The following CDK14 variants were observed in gnomAD, a reference collection of about 807,000 sequenced individuals.
CDK14 encodes the protein cyclin-dependent kinase 14.
In CDK14, 34 loss-of-function variants were observed where a neutral mutation model predicts 60.7. The ratio of observed to expected loss-of-function variants is 0.56; its 90% CI spans 0.43 to 0.75. CDK14 has a LOEUF of 0.75. Among genes scored for constraint, CDK14 ranks in the 30% least tolerant of loss-of-function variants. CDK14 has a pLI of 0.00. For synonymous variants in CDK14, 197 were observed against 203.7 expected, an observed-to-expected ratio of 0.97 and a Z score of 0.28; for missense variants, 482 against 564.1, an observed-to-expected ratio of 0.85 and a Z score of 1.47.
intron 4 of CDK14, among the ~76,000 whole-genome samples, chr7:90,758,665 C>T (rs1174776433): frequency 2.0e-5 from 3 of 152,084 alleles, no homozygotes; most frequent in Non-Finnish European, 4.4e-5. Context: ...ATTCTGCCCT[C>T]GGGAAACTTA....
intron 14 of CDK14, among the ~76,000 whole-genome samples, chr7:91,202,171 T>C (rs1217987067): frequency 2.6e-5 from 4 of 152,174 alleles, no homozygotes; most frequent in Non-Finnish European, 5.9e-5. Context: ...CCAAAAAATA[T>C]CTAGTTCATA....
At chr7:90,942,841 A>G (rs950288089) in intron 8 of CDK14, among the ~76,000 whole-genome samples, 11 of 152,194 alleles carry the variant, frequency 7.2e-5, no homozygotes, top group African/African-American at 2.2e-4. Flanking sequence ...TTATATTTAT[A>G]TAACAGAATT....
chr7:90,598,447 C>T (rs986315631), intron 1 of CDK14, among the ~76,000 whole-genome samples: 1 of 152,094 alleles, frequency 6.6e-6, no homozygotes, highest in South Asian at 2.1e-4. Flanking sequence ...GATTTTATAT[C>T]CTCCCTTTAG....
chr7:90,634,443 C>G (rs1245876409), intron 2 of CDK14, among the ~76,000 whole-genome samples: 3 of 151,590 alleles, frequency 2.0e-5, no homozygotes, highest in Non-Finnish European at 2.9e-5. Context: ...TCATCCATGT[C>G]CCTACAAAGG....
chr7:90,814,784 C>G (rs943228343), intron 5 of CDK14, among the ~76,000 whole-genome samples: 4 of 152,156 alleles, frequency 2.6e-5, no homozygotes, highest in East Asian at 1.9e-4. Context: ...TCAAAAGAAA[C>G]AAACAAAACT....
intron 5 of CDK14, among the ~76,000 whole-genome samples, chr7:90,802,074 C>G (rs976554193): frequency 6.6e-6 from 1 of 152,138 alleles, no homozygotes; most frequent in Non-Finnish European, 1.5e-5. Context: ...GACTGGAGGG[C>G]TGTTGCAGGG....
intron 2 of CDK14, among the ~76,000 whole-genome samples, chr7:90,707,133 A>G (rs1801916060): frequency 6.6e-6 from 1 of 152,158 alleles, no homozygotes; most frequent in African/African-American, 2.4e-5. Context: ...CTTGTGCAAC[A>G]TGTCCACTTG....
intron 14 of CDK14, among the ~76,000 whole-genome samples, chr7:91,187,228 T>C (rs182427670): frequency 4.6e-5 from 7 of 152,360 alleles, no homozygotes; most frequent in Non-Finnish European, 7.3e-5. Flanking sequence ...AACATTGCTC[T>C]CTTTTCGTAT....
intron 5 of CDK14, among the ~76,000 whole-genome samples, chr7:90,811,541 C>T (rs557091000): frequency 0.15 from 22,384 of 151,898 alleles, 1,776 homozygotes; most frequent in Middle Eastern, 0.25. Flanking sequence ...CAATACCATT[C>T]AGGACATAGG....
intron 8 of CDK14, among the ~76,000 whole-genome samples, chr7:90,927,649 A>G (rs1012973846): frequency 2.0e-5 from 3 of 152,290 alleles, no homozygotes; most frequent in African/African-American, 7.2e-5. Context: ...CTGCAGCCAC[A>G]TGCCTGAGTT....
intron 4 of CDK14, among the ~76,000 whole-genome samples, chr7:90,752,409 C>T (rs1046445919): frequency 5.3e-5 from 8 of 152,124 alleles, no homozygotes; most frequent in Admixed American, 3.3e-4. Context: ...CAACTTCCTC[C>T]TGAATAACTT....
chr7:91,058,678 T>A (rs1797668633), intron 11 of CDK14, among the ~76,000 whole-genome samples: 1 of 152,258 alleles, frequency 6.6e-6, no homozygotes, highest in Non-Finnish European at 1.5e-5. Context: ...GTTTTTGTCA[T>A]TGGTTCTGTT....
At chr7:90,956,383 A>G (rs1393608943) in intron 9 of CDK14, among the ~76,000 whole-genome samples, 1 of 152,192 alleles carries the variant, frequency 6.6e-6, no homozygotes, top group African/African-American at 2.4e-5. Flanking sequence ...ATGAGGTCCA[A>G]TGACTGTCAA....
chr7:90,943,440 G>GCT (rs1793994490), intron 8 of CDK14, among the ~76,000 whole-genome samples: 1 of 152,048 alleles, frequency 6.6e-6, no homozygotes, highest in Non-Finnish European at 1.5e-5. Flanking sequence ...AAGTTTAGAG[G>GCT]AGAAATTAAT....
intron 14 of CDK14, among the ~76,000 whole-genome samples, chr7:91,175,328 C>G (rs1297909999): frequency 6.6e-6 from 1 of 152,104 alleles, no homozygotes; most frequent in East Asian, 1.9e-4. Context: ...TGGAAAGGAA[C>G]AACCGGTATC....
chr7:91,085,966 C>T (rs535515446), intron 12 of CDK14, among the ~76,000 whole-genome samples: 1 of 152,242 alleles, frequency 6.6e-6, no homozygotes, highest in African/African-American at 2.4e-5. Context: ...AATGTGACTA[C>T]TGTGATTTAG....
chr7:90,736,344 G>GT (rs1245652024), intron 3 of CDK14, among the ~76,000 whole-genome samples: 3,172 of 40,560 alleles, frequency 0.078, 179 homozygotes, highest in Non-Finnish European at 0.11. Context: ...ACTTTATTAT[G>GT]TTTTTGTTTT....
At chr7:90,808,454 AC>A (rs1788950630) in intron 5 of CDK14, among the ~76,000 whole-genome samples, 2 of 152,156 alleles carry the variant, frequency 1.3e-5, no homozygotes, top group African/African-American at 4.8e-5. Flanking sequence ...CATACAAGAG[AC>A]CCTGAAGGAA....
chr7:90,963,588 A>C (rs912007316), intron 9 of CDK14, among the ~76,000 whole-genome samples: 8 of 152,112 alleles, frequency 5.3e-5, no homozygotes, highest in Non-Finnish European at 8.8e-5. Flanking sequence ...CTCTAAAAGA[A>C]AATGATGTTT....
Sources: allele counts gnomAD v4.1 joint callset (sites outside exome capture counted in the v4.1 genomes callset), GRCh38; gene constraint gnomAD v4.1.1; transcripts MANE v1.5; gene names NCBI Gene and HGNC (gene_info 2026-07-23, HGNC 2026-07-21).